The following CNBD2 variants were observed in gnomAD, a reference collection of about 807,000 sequenced individuals.
CNBD2 encodes the protein cyclic nucleotide-binding domain-containing protein 2.
A neutral mutation model predicts 63.7 loss-of-function variants in CNBD2; 64 were observed. The ratio of observed to expected loss-of-function variants is 1.00; its 90% CI spans 0.82 to 1.24. CNBD2 has a LOEUF of 1.24. Ranked by LOEUF, CNBD2 falls within the 50% of genes most tolerant of loss-of-function variation. The pLI is 0.00. For missense variants in CNBD2, 691 were observed against 713.5 expected (o/e 0.97, Z 0.36); for synonymous variants, 229 against 255.4 (o/e 0.90, Z 0.99).
intron 10 of CNBD2, among the ~76,000 whole-genome samples, chr20:36,015,250 A>G (rs1376890094): frequency 1.3e-5 from 2 of 152,178 alleles, no homozygotes; most frequent in East Asian, 1.9e-4. Context: ...AGTTCATTAT[A>G]CATTTTAGTT....
chr20:35,979,122 G>A (rs1269906532), intron 3 of CNBD2, among the ~76,000 whole-genome samples: 1 of 152,194 alleles, frequency 6.6e-6, no homozygotes, highest in Non-Finnish European at 1.5e-5. Context: ...CCTGCAGTGA[G>A]TGAAGGGAAA....
intron 11 of CNBD2, among the ~76,000 whole-genome samples, chr20:36,025,025 C>T (rs2057266855): frequency 6.6e-6 from 1 of 152,124 alleles, no homozygotes; most frequent in African/African-American, 2.4e-5. Flanking sequence ...TTGATGTGTG[C>T]CACACTAAGG....
intron 2 of CNBD2, among the ~76,000 whole-genome samples, chr20:35,975,297 G>A (rs57114013): frequency 0.036 from 3,343 of 94,078 alleles, 126 homozygotes; most frequent in Middle Eastern, 0.061. Context: ...CACCGCGCCC[G>A]GCCTCTTTTT....
At chr20:36,023,385 G>T (rs571162021) in intron 10 of CNBD2, among the ~76,000 whole-genome samples, 1 of 152,238 alleles carries the variant, frequency 6.6e-6, no homozygotes, top group East Asian at 1.9e-4. Flanking sequence ...GGTAGCGCAT[G>T]CCTGTAATCC....
At chr20:36,003,321 A>C (rs1383759550) in intron 8 of CNBD2, among the ~76,000 whole-genome samples, 1 of 151,934 alleles carries the variant, frequency 6.6e-6, no homozygotes, top group African/African-American at 2.4e-5. Context: ...TGTATCCTTC[A>C]TGATTTTTTA....
chr20:36,015,138 T>C (rs1313173995), intron 10 of CNBD2, among the ~76,000 whole-genome samples: 2 of 152,232 alleles, frequency 1.3e-5, no homozygotes, highest in Non-Finnish European at 2.9e-5. Context: ...TTTTTTCATA[T>C]ACCTGTTGGT....
intron 8 of CNBD2, among the ~76,000 whole-genome samples, chr20:36,002,144 C>G (rs368812120): frequency 6.6e-6 from 1 of 152,224 alleles, no homozygotes; most frequent in African/African-American, 2.4e-5. Context: ...TCTGCAATCC[C>G]GGCACCTCGG....
intron 10 of CNBD2, among the ~76,000 whole-genome samples, chr20:36,015,486 T>G (rs1235359472): frequency 1.3e-5 from 2 of 152,154 alleles, no homozygotes; most frequent in Admixed American, 6.6e-5. Context: ...TAATACAGTT[T>G]CCCAATAAAA....
chr20:35,984,164 T>A, intron 5 of CNBD2, 26 bp downstream of exon 5: 10 of 1,574,426 alleles, frequency 6.4e-6, no homozygotes, highest in Non-Finnish European at 8.6e-6. Flanking sequence ...GGACCCAGTT[T>A]CCTGGGGTGG....
chr20:35,992,288 G>A (rs1014743486), intron 7 of CNBD2, among the ~76,000 whole-genome samples: 1 of 152,156 alleles, frequency 6.6e-6, no homozygotes, highest in African/African-American at 2.4e-5. Context: ...GCTTCCAGGC[G>A]ATTCCAATGC....
intron 8 of CNBD2, among the ~76,000 whole-genome samples, chr20:35,998,824 G>A (rs2056859947): frequency 7.7e-6 from 1 of 129,136 alleles, no homozygotes; most frequent in Non-Finnish European, 1.5e-5. Context: ...AGTAAGCCAA[G>A]ATCACGCCAC....
chr20:35,984,506 AAC>A (rs1283961526), intron 5 of CNBD2, 119 bp from the exon 6 acceptor site: 3 of 1,042,124 alleles, frequency 2.9e-6, no homozygotes, highest in South Asian at 1.6e-5. Context: ...GAGGCTAGGG[AAC>A]ACACAGTCTG....
intron 3 of CNBD2, 126 bp downstream of exon 3, chr20:35,976,128 C>A: frequency 1.3e-6 from 1 of 753,998 alleles, no homozygotes; most frequent in Non-Finnish European, 2.3e-6. Context: ...AGCTTGTCAC[C>A]CTGGGTTGGC....
At chr20:36,015,251 C>T (rs2147344990) in intron 10 of CNBD2, among the ~76,000 whole-genome samples, 1 of 152,294 alleles carries the variant, frequency 6.6e-6, no homozygotes, top group African/African-American at 2.4e-5. Flanking sequence ...GTTCATTATA[C>T]ATTTTAGTTA....
chr20:35,982,951 C>T (rs2056616298), intron 4 of CNBD2, among the ~76,000 whole-genome samples: 1 of 151,976 alleles, frequency 6.6e-6, no homozygotes, highest in African/African-American at 2.4e-5. Flanking sequence ...GCCTGGGCAA[C>T]ATAACAAGAC....
chr20:35,999,258 C>T (rs545404310), intron 8 of CNBD2, among the ~76,000 whole-genome samples: 12 of 152,180 alleles, frequency 7.9e-5, no homozygotes, highest in African/African-American at 2.6e-4. Flanking sequence ...CTGAAAGACC[C>T]AATTTTTATT....
In CNBD2 at chr20:36,011,247, G is replaced by A. The variant is rs1048699890; in HGVS notation, c.1259G>A (p.Gly420Glu). ...AYVKVHTVEQ[G>E]EILGLHQAFL... ...GTGAAGGTGCACACTGTGGAGCAGG[G>A]AGAAATTTTGGTGAGTGTGCCAAGA... The change falls in exon 10 of 12, where the codon GGA becomes GAA. Residue 420 changes from glycine (G) to glutamate (E), a missense_variant. Gly to Glu is a moderately conservative substitution (Grantham distance 98, BLOSUM62 -2). Coordinates refer to ENST00000373973, the MANE Select transcript of CNBD2 (RefSeq NM_001365709.1). The A allele has an allele frequency of 2.6e-6, 4 of 1,559,258 alleles. No homozygotes were observed. In the African/African-American group the frequency reaches 4.1e-5, roughly 16 times the overall value.
At chr20:35,997,907 C>T (rs1303231235) in intron 8 of CNBD2, among the ~76,000 whole-genome samples, 1 of 152,138 alleles carries the variant, frequency 6.6e-6, no homozygotes, top group Non-Finnish European at 1.5e-5. Context: ...CAATGTTATT[C>T]AGTTCAAAAT....
rs1343582679 is a variant in CNBD2, at chr20:36,008,581, G to A, written c.1148+107G>A. ...ATGCGGATAAGGGGCAAAGGTGGAG[G>A]ACACAGGTCAATCCCAAAGGATTGT... is the stretch of plus-strand genomic sequence containing the variant. On this transcript the variant is annotated intron_variant, in intron 9 of 11. Coordinates refer to ENST00000373973, the MANE Select transcript of CNBD2 (RefSeq NM_001365709.1). The A allele has an allele frequency of 4.5e-6, 5 of 1,119,330 alleles. No individual in the cohort carries two copies. The South Asian group carries it at 6.6e-5, about 15-fold the overall frequency. The allele number at this position is 1,119,330 out of a possible 1,614,324, so 69.3% of individuals were successfully genotyped here.
Sources: allele counts gnomAD v4.1 joint callset (sites outside exome capture counted in the v4.1 genomes callset), GRCh38; gene constraint gnomAD v4.1.1; transcripts MANE v1.5; gene names NCBI Gene and HGNC (gene_info 2026-07-23, HGNC 2026-07-21).